Variants in TNIP3 observed in about 807,000 individuals in gnomAD.
TNIP3 encodes the protein TNFAIP3-interacting protein 3.
TNIP3 carries 34 observed loss-of-function variants against 54.1 expected under a neutral mutation model. The ratio of observed to expected loss-of-function variants is 0.63; its 90% CI spans 0.48 to 0.84. The LOEUF (loss-of-function observed/expected upper bound fraction) is 0.84, where lower values mean the gene tolerates loss of function less well. Ranked by LOEUF, TNIP3 falls within the 40% of genes least tolerant of loss-of-function variation. The pLI, the probability that TNIP3 is intolerant of heterozygous loss-of-function variation, is 0.00. For synonymous variants in TNIP3, 134 were observed against 136.8 expected, an observed-to-expected ratio of 0.98 and a Z score of 0.14; for missense variants, 366 against 387.6, an observed-to-expected ratio of 0.94 and a Z score of 0.47.
chr4:121,134,820 C>G (rs112920647), intron 10 of TNIP3, among the ~76,000 whole-genome samples: 7,368 of 152,238 alleles, frequency 0.048, 610 homozygotes, highest in African/African-American at 0.17. Flanking sequence ...CCAGCCACAC[C>G]CTTCCTCACA....
At chr4:121,215,956 A>G (rs13104663) in intron 2 of TNIP3, among the ~76,000 whole-genome samples, 41,523 of 151,586 alleles carry the variant, frequency 0.27, 5,991 homozygotes, top group African/African-American at 0.35. Context: ...GATTGATAGA[A>G]TGTGGAAAGC....
At chr4:121,211,686 A>G (rs1322256630) in intron 2 of TNIP3, among the ~76,000 whole-genome samples, 1 of 152,212 alleles carries the variant, frequency 6.6e-6, no homozygotes, top group Non-Finnish European at 1.5e-5. Context: ...AACTGCTTCA[A>G]ATTTAAGCCA....
chr4:121,211,318 A>C (rs1029305819), intron 2 of TNIP3, among the ~76,000 whole-genome samples: 5 of 152,254 alleles, frequency 3.3e-5, no homozygotes, highest in African/African-American at 1.2e-4. Context: ...AGGAATAAAA[A>C]GGTATTCAAA....
At chr4:121,197,325 C>G (rs151040464) in intron 2 of TNIP3, among the ~76,000 whole-genome samples, 1 of 151,936 alleles carries the variant, frequency 6.6e-6, no homozygotes, top group Admixed American at 6.6e-5. Flanking sequence ...GTCAGGAGTT[C>G]GAGACCAGCC....
chr4:121,175,112 A>G (rs895607461), intron 3 of TNIP3, among the ~76,000 whole-genome samples: 1 of 152,204 alleles, frequency 6.6e-6, no homozygotes, highest in Non-Finnish European at 1.5e-5. Flanking sequence ...CTCAAGCCCA[A>G]TATTTTGCTT....
At chr4:121,192,773 C>T (rs1388900075) in intron 2 of TNIP3, 1 of 152,138 alleles carries the variant, frequency 6.6e-6, no homozygotes, top group Non-Finnish European at 1.5e-5. Context: ...TTTCCTTTGT[C>T]TCATTTATGT....
intron 1 of TNIP3, among the ~76,000 whole-genome samples, chr4:121,223,602 A>G (rs1374746215): frequency 1.3e-5 from 1 of 78,474 alleles, no homozygotes; most frequent in Non-Finnish European, 2.5e-5. Flanking sequence ...AAGGCTCCAC[A>G]GAAACTAGAA....
chr4:121,140,307 C>T (rs1009504985), intron 9 of TNIP3, among the ~76,000 whole-genome samples: 2 of 151,270 alleles, frequency 1.3e-5, no homozygotes, highest in African/African-American at 4.9e-5. Flanking sequence ...GCACTACAGC[C>T]TGGATGACAG....
upstream of TNIP3, among the ~76,000 whole-genome samples, chr4:121,218,529 C>T (rs1726896983): frequency 1.3e-5 from 2 of 148,688 alleles, no homozygotes; most frequent in Admixed American, 6.7e-5. Context: ...TTCCTTCCTC[C>T]CTCCCTCCCT....
chr4:121,213,607 G>C (rs1444336898), intron 2 of TNIP3, among the ~76,000 whole-genome samples: 1 of 151,488 alleles, frequency 6.6e-6, no homozygotes, highest in East Asian at 1.9e-4. Flanking sequence ...GGCGCCTGTA[G>C]TCCCAGCTAC....
intron 3 of TNIP3, among the ~76,000 whole-genome samples, chr4:121,170,078 T>G (rs13129450): frequency 0.41 from 62,067 of 152,004 alleles, 14,939 homozygotes; most frequent in African/African-American, 0.68. Flanking sequence ...CTCTGTGAAG[T>G]CTCCCCTGGT....
At chr4:121,187,174 T>C (rs1292422690) in intron 2 of TNIP3, among the ~76,000 whole-genome samples, 1 of 152,188 alleles carries the variant, frequency 6.6e-6, no homozygotes, top group African/African-American at 2.4e-5. Flanking sequence ...TACAATACTA[T>C]GACCTGAGGG....
At chr4:121,213,849 A>T (rs1726626429) in intron 2 of TNIP3, among the ~76,000 whole-genome samples, 1 of 152,198 alleles carries the variant, frequency 6.6e-6, no homozygotes, top group Non-Finnish European at 1.5e-5. Flanking sequence ...CAAAAAAAGG[A>T]TGACCCCAGG....
Position 121,200,580 on chromosome 4 carries a change from C to T in TNIP3, c.68+15835G>A, listed in dbSNP as rs192453455. 4.4e-4 allele frequency among the ~76,000 whole-genome samples: 67 copies of T among 152,200 alleles called. 1 individual carries two copies. The highest frequency in any genetic ancestry group is 1.4e-3 in the African/African-American group (60 of 41,514). ...TGGGCTCCTGTGGTGCTTTTAGTAA[C>T]CACCAACAAACTGCTGTCTTTTCCT... On this transcript the variant is annotated intron_variant, in intron 2 of 12. Coordinates refer to the TNIP3 transcript ENST00000507879.
chr4:121,205,574 T>A (rs749385489), intron 2 of TNIP3, among the ~76,000 whole-genome samples: 1 of 152,118 alleles, frequency 6.6e-6, no homozygotes, highest in Admixed American at 6.6e-5. Flanking sequence ...GTAAAGGTAC[T>A]GAGACAGTTT....
At chr4:121,211,724 G>T (rs1248595020) in intron 2 of TNIP3, among the ~76,000 whole-genome samples, 1 of 152,138 alleles carries the variant, frequency 6.6e-6, no homozygotes, top group Non-Finnish European at 1.5e-5. Flanking sequence ...GCCATGGAGG[G>T]TCTGTATATT....
chr4:121,132,616 T>C lies in TNIP3; in HGVS notation c.*15A>G. On this transcript the variant is annotated 3_prime_UTR_variant, in exon 11 of 11. Coordinates refer to ENST00000057513, the MANE Select transcript of TNIP3 (RefSeq NM_024873.6). ...TCCCTCGTTGCCTGTTGTCTCTCTCTGTTAGTGTGTACTTCTACGGATGGA... is the reference window on the plus strand; with the variant it reads ...TCCCTCGTTGCCTGTTGTCTCTCTCCGTTAGTGTGTACTTCTACGGATGGA... The C allele has an allele frequency of 6.2e-7, 1 of 1,612,690 alleles. No individual in the cohort carries two copies. The highest frequency in any genetic ancestry group is 8.5e-7 in the Non-Finnish European group (1 of 1,178,806).
intron 3 of TNIP3, among the ~76,000 whole-genome samples, chr4:121,180,477 T>G (rs1724626678): frequency 6.6e-6 from 1 of 151,992 alleles, no homozygotes; most frequent in Admixed American, 6.6e-5. Flanking sequence ...CAAATGCAAA[T>G]AAAAAGACAA....
intron 2 of TNIP3, among the ~76,000 whole-genome samples, chr4:121,200,180 G>T (rs993581617): frequency 6.6e-6 from 1 of 151,888 alleles, no homozygotes; most frequent in East Asian, 1.9e-4. Flanking sequence ...GCTTCCTCTT[G>T]CCTTGGTTCT....
Sources: allele counts gnomAD v4.1 joint callset (sites outside exome capture counted in the v4.1 genomes callset), GRCh38; gene constraint gnomAD v4.1.1; transcripts MANE v1.5; gene names NCBI Gene and HGNC (gene_info 2026-07-23, HGNC 2026-07-21).